Variants in CCDC7 observed in about 807,000 individuals in gnomAD.
CCDC7 encodes coiled-coil domain containing 7.
CCDC7 carries 183 observed loss-of-function variants against 196.9 expected under a neutral mutation model. The observed-to-expected ratio is 0.93, with a 90% CI of 0.82 to 1.05. The LOEUF (loss-of-function observed/expected upper bound fraction) is 1.05, where lower values mean the gene tolerates loss of function less well. Among genes scored for constraint, CCDC7 ranks in the 50% least tolerant of loss-of-function variants. The probability of loss-of-function intolerance (pLI) is 0.00; values close to 1 mark genes in which losing one functional copy is unlikely to be tolerated. For missense variants in CCDC7, 1,540 were observed against 1,482.2 expected (o/e 1.04, Z -0.64); for synonymous variants, 525 against 484.6 (o/e 1.08, Z -1.10).
intron 21 of CCDC7, among the ~76,000 whole-genome samples, chr10:32,673,450 T>C (rs957002165): frequency 1.3e-5 from 2 of 152,136 alleles, no homozygotes; most frequent in African/African-American, 4.8e-5. Flanking sequence ...AGCAATATAT[T>C]ATCGTTTTCA....
At chr10:32,834,839 G>T (rs752372094) in exon 33 of CCDC7, 1 of 1,456,234 alleles carries the variant, frequency 6.9e-7, no homozygotes, top group Admixed American at 1.7e-5. Context: ...CACTTGAAAG[G>T]TGTTAATGGA....
At chr10:32,742,221 G>C (rs1050667593) in intron 28 of CCDC7, among the ~76,000 whole-genome samples, 15 of 151,658 alleles carry the variant, frequency 9.9e-5, no homozygotes, top group Non-Finnish European at 2.2e-4. Context: ...CAGCAAAATT[G>C]AGCAGAAAGT....
intron 29 of CCDC7, among the ~76,000 whole-genome samples, chr10:32,784,271 T>C (rs967449872): frequency 4.0e-5 from 6 of 148,498 alleles, no homozygotes; most frequent in African/African-American, 1.5e-4. Flanking sequence ...TGCAGATTTG[T>C]TACATAGGTA....
At chr10:32,503,031 G>T (rs1220310921) in intron 9 of CCDC7, among the ~76,000 whole-genome samples, 1 of 151,976 alleles carries the variant, frequency 6.6e-6, no homozygotes, top group African/African-American at 2.4e-5. Flanking sequence ...GGATTCATTT[G>T]TTCTGCAAGT....
At chr10:32,735,634 T>C (rs534516411) in intron 28 of CCDC7, among the ~76,000 whole-genome samples, 1 of 152,312 alleles carries the variant, frequency 6.6e-6, no homozygotes, top group South Asian at 2.1e-4. Flanking sequence ...TTATTTTCAT[T>C]TTCTTAACAG....
intron 23 of CCDC7, among the ~76,000 whole-genome samples, chr10:32,693,375 A>G (rs80149838): frequency 0.053 from 8,064 of 152,170 alleles, 709 homozygotes; most frequent in African/African-American, 0.18. Flanking sequence ...TGTAAAGATA[A>G]CTATCTCTCT....
chr10:32,836,468 A>G (rs921839845), intron 33 of CCDC7, among the ~76,000 whole-genome samples: 7 of 152,190 alleles, frequency 4.6e-5, no homozygotes, highest in Admixed American at 3.3e-4. Flanking sequence ...ACTGACTTCC[A>G]CAATGGTTGA....
chr10:32,642,260 G>A (rs1051997786), intron 20 of CCDC7, among the ~76,000 whole-genome samples: 13 of 152,206 alleles, frequency 8.5e-5, no homozygotes, highest in African/African-American at 2.4e-4. Context: ...GGAGTCTACA[G>A]AGGCAGTGAG....
chr10:32,850,948 C>T (rs113942042), intron 39 of CCDC7, among the ~76,000 whole-genome samples: 1,563 of 152,042 alleles, frequency 0.01, 15 homozygotes, highest in Non-Finnish European at 0.018. Context: ...CCTATTTCAC[C>T]CTTCAATAGC....
At chr10:32,587,846 T>C (rs1442183132) in intron 18 of CCDC7, among the ~76,000 whole-genome samples, 1 of 152,128 alleles carries the variant, frequency 6.6e-6, no homozygotes, top group African/African-American at 2.4e-5. Flanking sequence ...AAGAGGAAAA[T>C]TTTCAGTCTT....
At chr10:32,697,131 A>C (rs1457404509) in intron 24 of CCDC7, among the ~76,000 whole-genome samples, 1 of 152,194 alleles carries the variant, frequency 6.6e-6, no homozygotes, top group East Asian at 1.9e-4. Context: ...CTGCAATTAG[A>C]TGGTCCCATG....
At chr10:32,854,600 C>G (rs575022235) in intron 41 of CCDC7, 111 bp downstream of exon 42, 3 of 652,808 alleles carry the variant, frequency 4.6e-6, no homozygotes, top group Non-Finnish European at 5.2e-6. Flanking sequence ...AACAACCAAC[C>G]TTATGGGTGA....
intron 6 of CCDC7, among the ~76,000 whole-genome samples, chr10:32,471,883 C>T (rs1319708312): frequency 2.0e-5 from 3 of 152,080 alleles, no homozygotes; most frequent in Non-Finnish European, 4.4e-5. Context: ...ATCCTTGGTT[C>T]AAAGATTAAG....
At position 32,559,561 on chromosome 10, in the gene CCDC7, C is replaced by T. The variant is rs112637453; in HGVS notation, c.1135-5997C>T. ...CCACTGCTGCTGTTATCCAGGTAGA[C>T]GGTCTGGAGTGGACCTCTAGCAAAC... On this transcript the variant is annotated intron_variant, in intron 13 of 41. Coordinates refer to ENST00000639629, the Ensembl canonical transcript of CCDC7. Among the ~76,000 whole-genome samples, 714 of 152,290 alleles carry T rather than the reference C, an allele frequency of 4.7e-3. 3 individuals are homozygous for T. Among genetic ancestry groups the T allele is most frequent in the Middle Eastern group, 0.014 (4 of 294 alleles).
intron 32 of CCDC7, among the ~76,000 whole-genome samples, chr10:32,832,859 A>C (rs2092317088): frequency 6.6e-6 from 1 of 152,100 alleles, no homozygotes; most frequent in South Asian, 2.1e-4. Flanking sequence ...TTGATATGTA[A>C]CTGTATTTTG....
intron 28 of CCDC7, among the ~76,000 whole-genome samples, chr10:32,773,605 T>G (rs1358326243): frequency 6.6e-6 from 1 of 152,188 alleles, no homozygotes. Context: ...TATCTGTATT[T>G]TTTTGTAATT....
chr10:32,484,885 C>T (rs1315358351), intron 8 of CCDC7, among the ~76,000 whole-genome samples: 7 of 152,148 alleles, frequency 4.6e-5, no homozygotes, highest in Admixed American at 3.3e-4. Context: ...TGATGTGCTG[C>T]TGAATTTGGT....
At chr10:32,631,901 A>G (rs2064921941) in intron 18 of CCDC7, among the ~76,000 whole-genome samples, 1 of 151,940 alleles carries the variant, frequency 6.6e-6, no homozygotes, top group African/African-American at 2.4e-5. Context: ...TCATTTTGAT[A>G]CTATTATTAA....
intron 11 of CCDC7, among the ~76,000 whole-genome samples, chr10:32,542,316 A>G (rs1350161655): frequency 6.6e-6 from 1 of 152,142 alleles, no homozygotes; most frequent in Non-Finnish European, 1.5e-5. Context: ...TGCTTAAGCA[A>G]TTTCATCTGC....
Sources: gnomAD v4.1 joint callset for allele counts (sites outside exome capture counted in the v4.1 genomes callset) on GRCh38, gnomAD v4.1.1 for gene constraint, MANE v1.5 for transcripts, NCBI Gene and HGNC (gene_info 2026-07-23, HGNC 2026-07-21) for gene names.